BMP5: variants seen among roughly 807,000 people sequenced by gnomAD.
BMP5 encodes bone morphogenetic protein 5.
Under a neutral mutation model 46.6 loss-of-function variants are expected in BMP5, and 23 were observed. The ratio of observed to expected loss-of-function variants is 0.49; its 90% CI spans 0.35 to 0.70. BMP5 has a LOEUF of 0.70. Ranked by LOEUF, BMP5 falls within the 30% of genes least tolerant of loss-of-function variation. The pLI, the probability that BMP5 is intolerant of heterozygous loss-of-function variation, is 0.00. For missense variants in BMP5, 545 were observed against 565.6 expected (o/e 0.96, Z 0.37); for synonymous variants, 204 against 191.9 (o/e 1.06, Z -0.52).
rs768773406 is a variant in BMP5, at chr6:55,799,340, C to T, written c.684-4913G>A. Among the ~76,000 whole-genome samples, 77 of 152,178 alleles carry T rather than the reference C, an allele frequency of 5.1e-4. 1 individual carries two copies. Among genetic ancestry groups the T allele is most frequent in the African/African-American group, 1.2e-3 (50 of 41,506 alleles). ...ATTATTTAGAGAAGAACATTACCTT[C>T]AAATAACCTCTATCAGTGTTAATTT... On this transcript the variant is annotated intron_variant, in intron 2 of 6. Transcript: ENST00000370830.
chr6:55,787,228 G>C (rs1448973876), intron 3 of BMP5, among the ~76,000 whole-genome samples: 9 of 151,606 alleles, frequency 5.9e-5, no homozygotes, highest in African/African-American at 2.2e-4. Flanking sequence ...GGGATACGAA[G>C]AATAACACAA....
In BMP5 at chr6:55,819,781, T is replaced by C. The variant is rs1449953904; in HGVS notation, c.557A>G (p.Gln186Arg). The C allele has an allele frequency of 6.2e-7, 1 of 1,613,862 alleles. No individual in the cohort carries two copies. The highest frequency in any genetic ancestry group is 8.5e-7 in the Non-Finnish European group (1 of 1,179,888). ...TGTCACTGCCTCTCCATGAGGAATT[T>C]GGGTAAGATCAAATCGAAATTCTTT... ...HYKEFRFDLT[Q>R]IPHGEAVTAA... The change falls in exon 2 of 7, where the codon CAA becomes CGA. Residue 186 changes from glutamine (Q) to arginine (R), a missense_variant. Coordinates refer to ENST00000370830, the MANE Select transcript of BMP5 (RefSeq NM_021073.4).
At chr6:55,776,566 G>A (rs1400705181) in intron 3 of BMP5, among the ~76,000 whole-genome samples, 1 of 150,480 alleles carries the variant, frequency 6.6e-6, no homozygotes, top group African/African-American at 2.4e-5. Context: ...AAAAGTATTT[G>A]ACGAAGCTTT....
chr6:55,811,816 TC>T (rs1304331774), intron 2 of BMP5, among the ~76,000 whole-genome samples: 1 of 152,106 alleles, frequency 6.6e-6, no homozygotes, highest in Non-Finnish European at 1.5e-5. Context: ...TTCCCTAAGG[TC>T]CCTTACCCTT....
chr6:55,810,437 T>A (rs1400816415), intron 2 of BMP5, among the ~76,000 whole-genome samples: 1 of 152,208 alleles, frequency 6.6e-6, no homozygotes, highest in African/African-American at 2.4e-5. Flanking sequence ...TTTAGTAGGT[T>A]TCCTGGCATT....
chr6:55,781,201 A>G (rs2127524186), intron 3 of BMP5, among the ~76,000 whole-genome samples: 1 of 152,232 alleles, frequency 6.6e-6, no homozygotes, highest in East Asian at 1.9e-4. Context: ...GCCCTCATTT[A>G]TTTTAAGAAA....
intron 2 of BMP5, among the ~76,000 whole-genome samples, chr6:55,811,717 CT>C (rs992137195): frequency 4.6e-5 from 7 of 151,722 alleles, no homozygotes; most frequent in Admixed American, 1.3e-4. Context: ...CTCTCTCTCC[CT>C]ATTCTTTCCC....
intron 1 of BMP5, among the ~76,000 whole-genome samples, chr6:55,847,243 A>G (rs1292111126): frequency 6.6e-6 from 1 of 151,942 alleles, no homozygotes; most frequent in Non-Finnish European, 1.5e-5. Flanking sequence ...TGCCAGACCC[A>G]GGATAAATAT....
intron 1 of BMP5, among the ~76,000 whole-genome samples, chr6:55,869,061 G>A (rs1023084842): frequency 7.9e-5 from 12 of 152,098 alleles, no homozygotes; most frequent in African/African-American, 2.9e-4. Flanking sequence ...CCTCTCCTGT[G>A]CGTCAGGGAA....
intron 3 of BMP5, among the ~76,000 whole-genome samples, chr6:55,778,810 C>A (rs974285665): frequency 2.0e-5 from 3 of 151,964 alleles, no homozygotes; most frequent in Non-Finnish European, 4.4e-5. Flanking sequence ...GAGGCTGGAG[C>A]GCTGAACTAC....
chr6:55,776,524 A>AT (rs199517435), intron 3 of BMP5, among the ~76,000 whole-genome samples: 14,809 of 149,390 alleles, frequency 0.099, 809 homozygotes, highest in Middle Eastern at 0.17. Flanking sequence ...AAATTTTTTC[A>AT]TTTTTTTTTT....
intron 4 of BMP5, chr6:55,772,902 T>C (rs1184655136): frequency 4.1e-6 from 4 of 985,018 alleles, no homozygotes; most frequent in Non-Finnish European, 4.8e-6. Context: ...AGTAGTTTTA[T>C]GGAGCGTCTC....
At chr6:55,764,076 TAGAG>T (rs1245563115) in intron 4 of BMP5, among the ~76,000 whole-genome samples, 2 of 152,220 alleles carry the variant, frequency 1.3e-5, no homozygotes, top group African/African-American at 4.8e-5. Context: ...AAAGTAAAAG[TAGAG>T]CTACCATATC....
chr6:55,755,797 T>C, intron 6 of BMP5, 115 bp from the exon 7 acceptor site: 2 of 1,004,840 alleles, frequency 2.0e-6, no homozygotes, highest in Non-Finnish European at 3.0e-6. Context: ...TAAGCTGATC[T>C]CCCTTCTCCC....
intron 4 of BMP5, among the ~76,000 whole-genome samples, chr6:55,767,237 G>A (rs1487282156): frequency 6.6e-6 from 1 of 151,956 alleles, no homozygotes; most frequent in Admixed American, 6.6e-5. Context: ...GAAATCCTGT[G>A]ACCACAGGTA....
At chr6:55,826,671 T>A (rs990467032) in intron 1 of BMP5, among the ~76,000 whole-genome samples, 1 of 151,280 alleles carries the variant, frequency 6.6e-6, no homozygotes, top group Non-Finnish European at 1.5e-5. Flanking sequence ...GGTATGAAAA[T>A]TATATATTTA....
intron 3 of BMP5, among the ~76,000 whole-genome samples, chr6:55,780,297 A>T (rs534389120): frequency 6.6e-6 from 1 of 151,510 alleles, no homozygotes; most frequent in South Asian, 2.1e-4. Flanking sequence ...ACTGATATGA[A>T]CTATGAGTTG....
Sources: allele counts gnomAD v4.1 joint callset (sites outside exome capture counted in the v4.1 genomes callset), GRCh38; gene constraint gnomAD v4.1.1; transcripts MANE v1.5; gene names NCBI Gene and HGNC (gene_info 2026-07-23, HGNC 2026-07-21).